MRTFA: variants seen among roughly 807,000 people sequenced by gnomAD.
The protein encoded by MRTFA is myocardin related transcription factor A, also known as myocardin-related transcription factor A.
In MRTFA, 20 loss-of-function variants were observed where a neutral mutation model predicts 83.5. That is an observed-to-expected ratio of 0.24 (90% CI 0.17 to 0.35). The LOEUF (loss-of-function observed/expected upper bound fraction) is 0.35. Ranked by LOEUF, MRTFA falls within the 10% of genes least tolerant of loss-of-function variation. The pLI is 1.00. For missense variants in MRTFA, 1,200 were observed against 1,224.7 expected (o/e 0.98, Z 0.30); for synonymous variants, 659 against 541.2 (o/e 1.22, Z -3.02).
intron 3 of MRTFA, among the ~76,000 whole-genome samples, chr22:40,511,222 G>A (rs1353481271): frequency 6.6e-6 from 1 of 151,974 alleles, no homozygotes; most frequent in African/African-American, 2.4e-5. Context: ...AAGAAGTCAA[G>A]GTAGAGGTAA....
chr22:40,599,596 C>CA (rs2056233796), intron 1 of MRTFA, among the ~76,000 whole-genome samples: 1 of 151,886 alleles, frequency 6.6e-6, no homozygotes. Flanking sequence ...GAAGAGAATG[C>CA]AAAGGATAAA....
At chr22:40,562,640 G>T (rs1192788626) in intron 2 of MRTFA, among the ~76,000 whole-genome samples, 1 of 82,158 alleles carries the variant, frequency 1.2e-5, no homozygotes, top group Non-Finnish European at 2.6e-5. Flanking sequence ...AGGGGGAAAG[G>T]GGGGGAGGAG....
chr22:40,605,449 A>T (rs2056308971), intron 1 of MRTFA, among the ~76,000 whole-genome samples: 1 of 152,222 alleles, frequency 6.6e-6, no homozygotes, highest in Non-Finnish European at 1.5e-5. Flanking sequence ...GGATGCCAGA[A>T]GAGGTGGTGA....
chr22:40,477,307 G>T (rs150051003), intron 3 of MRTFA, among the ~76,000 whole-genome samples: 2 of 151,406 alleles, frequency 1.3e-5, no homozygotes, highest in Non-Finnish European at 2.9e-5. Context: ...CCGAGATCAC[G>T]CCACTGCCCT....
chr22:40,580,933 T>C (rs1391731102), intron 2 of MRTFA, among the ~76,000 whole-genome samples: 1 of 152,192 alleles, frequency 6.6e-6, no homozygotes, highest in African/African-American at 2.4e-5. Context: ...TAACTGATCA[T>C]AACAGGTATC....
intron 3 of MRTFA, among the ~76,000 whole-genome samples, chr22:40,515,170 G>A (rs1250323506): frequency 1.3e-5 from 2 of 151,878 alleles, no homozygotes; most frequent in South Asian, 2.1e-4. Flanking sequence ...CCCACCCAAA[G>A]TGCTGGGATT....
At chr22:40,553,988 C>T (rs1168769013) in intron 2 of MRTFA, among the ~76,000 whole-genome samples, 1 of 152,218 alleles carries the variant, frequency 6.6e-6, no homozygotes, top group Non-Finnish European at 1.5e-5. Context: ...CATTTCAGAG[C>T]CTTAAGATCT....
At chr22:40,464,137 C>T (rs977627663) in intron 3 of MRTFA, among the ~76,000 whole-genome samples, 16 of 151,486 alleles carry the variant, frequency 1.1e-4, no homozygotes, top group African/African-American at 3.6e-4. Context: ...CCCATCTATA[C>T]TAAAAATACA....
At chr22:40,599,396 T>C (rs1189445159) in intron 1 of MRTFA, among the ~76,000 whole-genome samples, 2 of 152,222 alleles carry the variant, frequency 1.3e-5, no homozygotes, top group Non-Finnish European at 1.5e-5. Flanking sequence ...AGTGGAAATT[T>C]AGCTTTTAAA....
intron 3 of MRTFA, among the ~76,000 whole-genome samples, chr22:40,491,032 C>T (rs2054263458): frequency 6.6e-6 from 1 of 152,034 alleles, no homozygotes; most frequent in African/African-American, 2.4e-5. Flanking sequence ...AAAGGATTTT[C>T]TTTTCCTGCA....
chr22:40,464,176 C>T (rs529344347), intron 3 of MRTFA, among the ~76,000 whole-genome samples: 1 of 151,706 alleles, frequency 6.6e-6, no homozygotes, highest in South Asian at 2.1e-4. Flanking sequence ...TGGTGCGCGC[C>T]TGTAGTCCCA....
At chr22:40,436,468 G>A (rs1415081848) in intron 4 of MRTFA, among the ~76,000 whole-genome samples, 2 of 152,180 alleles carry the variant, frequency 1.3e-5, no homozygotes, top group Non-Finnish European at 2.9e-5. Flanking sequence ...GCAATTGTAT[G>A]TGAAGGAACA....
intron 4 of MRTFA, among the ~76,000 whole-genome samples, chr22:40,450,924 T>G (rs1602262382): frequency 6.6e-6 from 1 of 152,220 alleles, no homozygotes; most frequent in South Asian, 2.1e-4. Context: ...TATCTTTCAG[T>G]GCCCGTGTAA....
chr22:40,411,963 A>G (rs2052557744), intron 14 of MRTFA, 56 bp from the exon 15 acceptor site: 2 of 1,377,664 alleles, frequency 1.5e-6, no homozygotes, highest in Non-Finnish European at 1.9e-6. Context: ...GTATATCTAC[A>G]TGCAAAAGAA....
At chr22:40,524,667 C>T (rs1485145048) in intron 3 of MRTFA, among the ~76,000 whole-genome samples, 1 of 152,194 alleles carries the variant, frequency 6.6e-6, no homozygotes, top group Non-Finnish European at 1.5e-5. Flanking sequence ...GGAGGGAGCA[C>T]TTTGACTGCA....
intron 2 of MRTFA, among the ~76,000 whole-genome samples, chr22:40,577,971 C>G (rs560252988): frequency 6.6e-6 from 1 of 151,310 alleles, no homozygotes; most frequent in East Asian, 2.0e-4. Context: ...TTTTTTCCCC[C>G]GAGACAGAGT....
intron 3 of MRTFA, among the ~76,000 whole-genome samples, chr22:40,497,990 A>C (rs1375549250): frequency 6.6e-6 from 1 of 151,502 alleles, no homozygotes; most frequent in Non-Finnish European, 1.5e-5. Context: ...TTTTTAAAAT[A>C]TTAGATGGGT....
intron 1 of MRTFA, among the ~76,000 whole-genome samples, chr22:40,597,490 C>T (rs763734522): frequency 2.8e-4 from 43 of 152,190 alleles, no homozygotes; most frequent in Non-Finnish European, 5.6e-4. Flanking sequence ...CTTACTAAAA[C>T]GGTGCCACAG....
At chr22:40,612,302 G>T (rs1378164205) in intron 1 of MRTFA, among the ~76,000 whole-genome samples, 1 of 152,154 alleles carries the variant, frequency 6.6e-6, no homozygotes, top group Non-Finnish European at 1.5e-5. Flanking sequence ...TTAGGAAACG[G>T]CAAGAGAATG....
Sources: gnomAD v4.1 joint callset for allele counts (sites outside exome capture counted in the v4.1 genomes callset) on GRCh38, gnomAD v4.1.1 for gene constraint, MANE v1.5 for transcripts, NCBI Gene and HGNC (gene_info 2026-07-23, HGNC 2026-07-21) for gene names.